Variants in LPIN2 observed in about 807,000 individuals in gnomAD.
LPIN2 encodes phosphatidate phosphatase LPIN2.
A neutral mutation model predicts 111.4 loss-of-function variants in LPIN2; 55 were observed. The observed-to-expected ratio is 0.49, with a 90% confidence interval of 0.40 to 0.62. LPIN2 has a LOEUF of 0.62. Ranked by LOEUF, LPIN2 falls within the 20% of genes least tolerant of loss-of-function variation. The pLI, the probability that LPIN2 is intolerant of heterozygous loss-of-function variation, is 0.00. For missense variants in LPIN2, 992 were observed against 1,112.1 expected (o/e 0.89, Z 1.54); for synonymous variants, 425 against 414.0 (o/e 1.03, Z -0.32).
intron 1 of LPIN2, chr18:2,985,064 C>T (rs1002445595): frequency 1.3e-5 from 2 of 152,290 alleles, no homozygotes; most frequent in Non-Finnish European, 2.9e-5. Context: ...GTATTGTTTC[C>T]TTGTTTTAGC....
chr18:2,925,180 C>T lies in LPIN2; in HGVS notation c.1938+44G>A, dbSNP rs1011305896. ...GGATGTGCATCAAATTAAACCATTA[C>T]TAAAATAAGTCCTACTGGACAACAC... On this transcript the variant is annotated intron_variant, in intron 14 of 19. Coordinates refer to ENST00000677752, the MANE Select transcript of LPIN2 (RefSeq NM_001375808.2). The surrounding 1 kb of genome is among the most constrained non-coding windows in gnomAD (Gnocchi z 4.1). 1 of 1,612,486 alleles carries T rather than the reference C, an allele frequency of 6.2e-7. No individual in the cohort carries two copies. Among genetic ancestry groups the T allele is most frequent in the Admixed American group, 1.7e-5 (1 of 60,016 alleles).
chr18:2,951,110 C>G lies in LPIN2; in HGVS notation c.535G>C (p.Asp179His). Residue 179 changes from aspartate (D) to histidine (H), a missense_variant, in exon 4 of 20, where the codon GAC becomes CAC. Physicochemically the swap from Asp to His is moderately conservative, Grantham distance 81. This residue lies in a region of LPIN2 where 709 missense variants were observed against 753.2 expected (regional missense o/e 0.94). Transcript: ENST00000677752. ...GAGCTCACGCCTACATCACATGTGT[C>G]TTCTGCAGCAGCAGATGCGGCCTGC... ...EEQAASAAAEDTCDVGVSSDD... is the reference protein window; with the variant it reads ...EEQAASAAAEHTCDVGVSSDD... The G allele has an allele frequency of 6.2e-7, 1 of 1,614,224 alleles. No homozygotes were observed. Among genetic ancestry groups the G allele is most frequent in the Non-Finnish European group, 8.5e-7 (1 of 1,180,052 alleles).
At chr18:2,941,911 G>C (rs190014099) in intron 4 of LPIN2, among the ~76,000 whole-genome samples, 71 of 152,288 alleles carry the variant, frequency 4.7e-4, no homozygotes, top group African/African-American at 1.7e-3. Context: ...GTGACAGAGA[G>C]AGACTCCATC....
chr18:3,008,865 A>G (rs2078556900), intron 1 of LPIN2, among the ~76,000 whole-genome samples: 1 of 146,476 alleles, frequency 6.8e-6, no homozygotes, highest in Admixed American at 6.8e-5. Flanking sequence ...AGGTGCCCGC[A>G]CTACCACAGC....
At chr18:2,945,789 G>C (rs187026274) in intron 4 of LPIN2, 42 of 1,304,024 alleles carry the variant, frequency 3.2e-5, no homozygotes, top group Admixed American at 2.0e-4. Context: ...ACTAAGTTCT[G>C]GAAGTGAATT....
At chr18:3,001,393 C>G (rs2078433080) in intron 1 of LPIN2, among the ~76,000 whole-genome samples, 1 of 139,600 alleles carries the variant, frequency 7.2e-6, no homozygotes, top group East Asian at 2.2e-4. Context: ...TAATTGTTGA[C>G]TCCAGAGAAA....
At chr18:2,948,482 T>C (rs1233353621) in intron 4 of LPIN2, 5 of 152,250 alleles carry the variant, frequency 3.3e-5, no homozygotes, top group South Asian at 2.1e-4. Flanking sequence ...AGTAGGGAAC[T>C]TGGCATATGT....
chr18:2,962,376 A>T (rs2077726626), intron 1 of LPIN2, among the ~76,000 whole-genome samples: 3 of 152,266 alleles, frequency 2.0e-5, no homozygotes, highest in Non-Finnish European at 2.9e-5. Flanking sequence ...TTTATGTGAT[A>T]TCAAACAATT....
At chr18:2,922,787 A>C (rs1210683457) in intron 16 of LPIN2, among the ~76,000 whole-genome samples, 1 of 152,236 alleles carries the variant, frequency 6.6e-6, no homozygotes, top group Non-Finnish European at 1.5e-5. Context: ...TGAAAGCCAG[A>C]TTAGAGGACA....
At chr18:3,003,241 T>TA (rs902017520) in intron 1 of LPIN2, among the ~76,000 whole-genome samples, 1 of 152,188 alleles carries the variant, frequency 6.6e-6, no homozygotes, top group African/African-American at 2.4e-5. Context: ...TTACACTAAG[T>TA]AAAGCACCAC....
At chr18:2,944,453 G>A (rs548875399) in intron 4 of LPIN2, among the ~76,000 whole-genome samples, 1 of 136,920 alleles carries the variant, frequency 7.3e-6, no homozygotes, top group Non-Finnish European at 1.5e-5. Context: ...TTAGGTTCAC[G>A]CCATTCTCCT....
At chr18:2,997,154 G>A (rs576366763) in intron 1 of LPIN2, among the ~76,000 whole-genome samples, 2 of 152,128 alleles carry the variant, frequency 1.3e-5, no homozygotes, top group South Asian at 4.1e-4. Flanking sequence ...GCTAATTTTT[G>A]TATTTTTAGT....
At chr18:2,932,125 A>C (rs948479087) in intron 8 of LPIN2, among the ~76,000 whole-genome samples, 2 of 152,268 alleles carry the variant, frequency 1.3e-5, no homozygotes, top group Non-Finnish European at 2.9e-5. Flanking sequence ...GAAGGTGATC[A>C]AGGGAAACCT....
intron 7 of LPIN2, among the ~76,000 whole-genome samples, chr18:2,936,283 T>C (rs189298508): frequency 4.7e-4 from 71 of 152,368 alleles, no homozygotes; most frequent in Admixed American, 2.7e-3. Context: ...GGTTTCACAC[T>C]TTCCTAAAAA....
At chr18:2,989,614 A>G (rs2078234439) in intron 1 of LPIN2, among the ~76,000 whole-genome samples, 1 of 16,354 alleles carries the variant, frequency 6.1e-5, no homozygotes, top group Non-Finnish European at 3.9e-4. Flanking sequence ...TCTTGATTTC[A>G]AAACTTTCAA....
chr18:2,947,722 T>C (rs2077475386), intron 4 of LPIN2, among the ~76,000 whole-genome samples: 1 of 152,220 alleles, frequency 6.6e-6, no homozygotes, highest in Non-Finnish European at 1.5e-5. Flanking sequence ...CTTTTCTAAG[T>C]GGTAGGAGCT....
In LPIN2 at chr18:2,917,274, T is replaced by C. The variant is rs886450933; in HGVS notation, c.*3019A>G. 5.9e-5 allele frequency: 9 copies of C among 152,264 alleles called. No homozygotes were observed. Among genetic ancestry groups the C allele is most frequent in the African/African-American group, 2.2e-4 (9 of 41,482 alleles). The allele number at this position is 152,264 out of a possible 1,614,324, so 9.4% of individuals were successfully genotyped here. A position where few individuals can be genotyped will look rare whatever the true frequency, so the allele number is the denominator to read the frequency against. The stretch of plus-strand genomic sequence containing the variant: ...CAAAACCAAAAGAGTAGTTTTCATC[T>C]GGAAAGAGCACTTACTTCAGGGAAA... On this transcript the variant is annotated 3_prime_UTR_variant, in exon 20 of 20. Coordinates refer to ENST00000677752, the MANE Select transcript of LPIN2 (RefSeq NM_001375808.2).
intron 1 of LPIN2, among the ~76,000 whole-genome samples, chr18:3,008,043 T>C (rs1013337448): frequency 6.6e-6 from 1 of 152,220 alleles, no homozygotes; most frequent in African/African-American, 2.4e-5. Context: ...CAGGGGTATA[T>C]AAAACGTCTT....
rs1279163473 is a variant in LPIN2, at chr18:2,940,649, C to G, written c.654G>C (p.Gly218=). 1 of 1,613,378 alleles carries G rather than the reference C, an allele frequency of 6.2e-7. No individual in the cohort carries two copies. The highest frequency in any genetic ancestry group is 2.2e-5 in the East Asian group (1 of 44,846). ...ECKEPLLFHS[G]DHYPLSDGDW... ...CTCCATCAGATAAGGGGTAATGATC[C>G]CCAGAATGGAAGAGCAAAGGCTCTT... Residue 218 remains glycine (G), a synonymous_variant, in exon 5 of 20, where the codon GGG becomes GGC. Coordinates refer to ENST00000677752, the MANE Select transcript of LPIN2 (RefSeq NM_001375808.2).
Sources: gnomAD v4.1 joint callset for allele counts (sites outside exome capture counted in the v4.1 genomes callset) on GRCh38, gnomAD v4.1.1 for gene constraint, gnomAD v4.1.1 regional missense constraint, Gnocchi (gnomAD v3.1) non-coding constraint, MANE v1.5 for transcripts, NCBI Gene and HGNC (gene_info 2026-07-23, HGNC 2026-07-21) for gene names.